DHX30: variants seen among roughly 807,000 people sequenced by gnomAD.
DHX30 encodes the protein ATP-dependent RNA helicase DHX30.
DHX30 carries 4 observed loss-of-function variants against 116.9 expected under a neutral mutation model. The ratio of observed to expected loss-of-function variants is 0.03; its 90% CI spans 0.02 to 0.08. The LOEUF is 0.08. Ranked by LOEUF, DHX30 falls within the 10% of genes least tolerant of loss-of-function variation. The probability of loss-of-function intolerance (pLI) is 1.00; values close to 1 mark genes in which losing one functional copy is unlikely to be tolerated. For missense variants in DHX30, 871 were observed against 1,595.1 expected, an observed-to-expected ratio of 0.55 and a Z score of 7.73; for synonymous variants, 697 against 651.7, an observed-to-expected ratio of 1.07 and a Z score of -1.06.
intron 6 of DHX30, among the ~76,000 whole-genome samples, chr3:47,838,043 G>A (rs1054311066): frequency 6.6e-6 from 1 of 152,160 alleles, no homozygotes; most frequent in African/African-American, 2.4e-5. Flanking sequence ...GGGGGAGAAC[G>A]GTGCTGTCCT....
chr3:47,805,601 C>T (rs1046581672), intron 2 of DHX30, among the ~76,000 whole-genome samples, 181 bp downstream of exon 2: 14 of 152,104 alleles, frequency 9.2e-5, no homozygotes, highest in Admixed American at 6.6e-4. Context: ...TGCAGTGGCG[C>T]GATCTTGGCT....
intron 6 of DHX30, among the ~76,000 whole-genome samples, chr3:47,829,421 G>T (rs1383154030): frequency 2.1e-5 from 3 of 144,148 alleles, no homozygotes; most frequent in Admixed American, 7.3e-5. Context: ...TTGGCTCACT[G>T]CAACCTCCAC....
intron 6 of DHX30, among the ~76,000 whole-genome samples, chr3:47,839,876 T>C (rs1434461446): frequency 2.0e-5 from 3 of 152,014 alleles, no homozygotes; most frequent in Non-Finnish European, 4.4e-5. Context: ...GGTTTCGCCA[T>C]GTTGGCCAGG....
chr3:47,847,209 C>G lies in DHX30; in HGVS notation c.1930-64C>G. 1.2e-6 allele frequency: 2 copies of G among 1,600,118 alleles called. No individual in the cohort carries two copies. The highest frequency in any genetic ancestry group is 1.7e-6 in the Non-Finnish European group (2 of 1,167,534). On this transcript the variant is annotated intron_variant, in intron 11 of 21. Coordinates refer to ENST00000445061, the MANE Select transcript of DHX30 (RefSeq NM_138615.3). This position sits in a 1 kb window ranked among gnomAD's most constrained non-coding sequence, Gnocchi z 5.5. ...GGCTCCGTCTCACTGAGTCAGGTGG[C>G]TGTGTCCTTGGCATGACCCCTTACC...
In DHX30 at chr3:47,843,268, A is replaced by G; in HGVS notation, c.939+13A>G. 1 of 1,614,146 alleles carries G rather than the reference A, an allele frequency of 6.2e-7. No individual in the cohort carries two copies. Among genetic ancestry groups the G allele is most frequent in the Non-Finnish European group, 8.5e-7 (1 of 1,179,990 alleles). ...CAAGAAACTGAAGGTGAGTCCAGGA[A>G]GGTCCTGGGTGTGGTGCATGAGAAT... On this transcript the variant is annotated intron_variant, in intron 9 of 21. Transcript: ENST00000445061.
At chr3:47,844,680 G>A (rs2037522423) in intron 9 of DHX30, among the ~76,000 whole-genome samples, 1 of 152,206 alleles carries the variant, frequency 6.6e-6, no homozygotes, top group Non-Finnish European at 1.5e-5. Context: ...GGCTCCGAAG[G>A]GTGAGCAGAG....
chr3:47,809,434 C>T (rs1345761947), intron 2 of DHX30, among the ~76,000 whole-genome samples: 13 of 151,384 alleles, frequency 8.6e-5, no homozygotes, highest in Admixed American at 7.3e-4. Flanking sequence ...TTAGTAGAGA[C>T]GGGGTTTCAC....
chr3:47,824,700 G>A, intron 4 of DHX30: 2 of 227,824 alleles, frequency 8.8e-6, no homozygotes, highest in East Asian at 9.3e-5. Flanking sequence ...GTAGGACCTA[G>A]AGGGAACTAA....
At chr3:47,824,356 A>C (rs1337366945) in intron 4 of DHX30, among the ~76,000 whole-genome samples, 1 of 151,986 alleles carries the variant, frequency 6.6e-6, no homozygotes, top group Non-Finnish European at 1.5e-5. Context: ...AATTCTTGGC[A>C]GTTTCCAAAG....
At chr3:47,823,682 A>G (rs2036403059) in intron 4 of DHX30, among the ~76,000 whole-genome samples, 1 of 151,972 alleles carries the variant, frequency 6.6e-6, no homozygotes, top group Non-Finnish European at 1.5e-5. Flanking sequence ...TAACATAAAA[A>G]TCTAAACATC....
chr3:47,824,222 C>T (rs969759369), intron 4 of DHX30, among the ~76,000 whole-genome samples: 2 of 151,892 alleles, frequency 1.3e-5, no homozygotes, highest in African/African-American at 4.8e-5. Context: ...AGGCTGGTCT[C>T]GAACTCCTGA....
chr3:47,826,605 C>T (rs1204079693), intron 4 of DHX30, among the ~76,000 whole-genome samples: 2 of 152,098 alleles, frequency 1.3e-5, no homozygotes, highest in Admixed American at 1.3e-4. Context: ...GCCACCAGGC[C>T]TGGCTAATTT....
intron 4 of DHX30, chr3:47,825,081 C>G (rs1318756599): frequency 3.0e-6 from 2 of 668,552 alleles, no homozygotes; most frequent in Non-Finnish European, 5.4e-6. Context: ...CCGCCGGCAT[C>G]TCTCCGCGCC....
At chr3:47,825,474 G>A (rs1160486501) in intron 4 of DHX30, among the ~76,000 whole-genome samples, 1 of 152,222 alleles carries the variant, frequency 6.6e-6, no homozygotes, top group African/African-American at 2.4e-5. Flanking sequence ...ATAGGTGAGA[G>A]GTGCGAGACC....
chr3:47,816,795 C>A (rs2036079481), intron 3 of DHX30: 2 of 985,260 alleles, frequency 2.0e-6, no homozygotes, highest in African/African-American at 3.5e-5. Flanking sequence ...GCAGGACTTG[C>A]TTCTCCCCTA....
At chr3:47,843,817 G>C (rs966891256) in intron 9 of DHX30, among the ~76,000 whole-genome samples, 1 of 152,174 alleles carries the variant, frequency 6.6e-6, no homozygotes, top group Non-Finnish European at 1.5e-5. Context: ...TTTCACCTCA[G>C]CCTCCTGCAT....
At chr3:47,849,421 C>A (rs1029662137) in intron 19 of DHX30, 30 bp from the exon 20 acceptor site, 7 of 1,573,298 alleles carry the variant, frequency 4.4e-6, no homozygotes, top group Non-Finnish European at 6.1e-6. Context: ...CCTTGCTCAG[C>A]CCCACCCGTC....
At chr3:47,835,417 C>T (rs1165180458) in intron 6 of DHX30, among the ~76,000 whole-genome samples, 1 of 152,132 alleles carries the variant, frequency 6.6e-6, no homozygotes, top group Non-Finnish European at 1.5e-5. Context: ...ATCTGCCTGC[C>T]TCGGCTTCCC....
At chr3:47,806,736 C>T (rs545185236) in intron 2 of DHX30, among the ~76,000 whole-genome samples, 25 of 150,404 alleles carry the variant, frequency 1.7e-4, no homozygotes, top group Non-Finnish European at 2.8e-4. Context: ...TGAGCCACTG[C>T]GCTCAGGCGT....
Sources: gnomAD v4.1 joint callset for allele counts (sites outside exome capture counted in the v4.1 genomes callset) on GRCh38, gnomAD v4.1.1 for gene constraint, Gnocchi (gnomAD v3.1) non-coding constraint, MANE v1.5 for transcripts, NCBI Gene and HGNC (gene_info 2026-07-23, HGNC 2026-07-21) for gene names.